BROX: variants seen among roughly 807,000 people sequenced by gnomAD.
The protein encoded by BROX is BRO1 domain and CAAX motif containing, also known as BRO1 domain-containing protein BROX.
In BROX, 53 loss-of-function variants were observed where a neutral mutation model predicts 61.0. The observed-to-expected ratio is 0.87, with a 90% confidence interval of 0.70 to 1.09. The LOEUF is 1.09. Ranked by LOEUF, BROX falls within the 50% of genes least tolerant of loss-of-function variation. The pLI, the probability that BROX is intolerant of heterozygous loss-of-function variation, is 0.00. For missense variants in BROX, 489 were observed against 472.0 expected, an observed-to-expected ratio of 1.04 and a Z score of -0.33; for synonymous variants, 152 against 160.2, an observed-to-expected ratio of 0.95 and a Z score of 0.38.
Position 222,733,063 on chromosome 1 carries a change from C to CTTTTTTTTTTTTCTTTTTTTTTTTT in BROX, c.*359_*383dup, listed in dbSNP as rs1658062755. 3 of 104,888 alleles carry CTTTTTTTTTTTTCTTTTTTTTTTTT rather than the reference C, an allele frequency of 2.9e-5. No individual in the cohort carries two copies. The highest frequency in any genetic ancestry group is 3.9e-5 in the Non-Finnish European group (2 of 50,788). The allele number at this position is 104,888 out of a possible 1,614,324, so 6.5% of individuals were successfully genotyped here. A position where few individuals can be genotyped will look rare whatever the true frequency, so the allele number is the denominator to read the frequency against. ...AGGTATGTTTTTCTTTTTTCTTTTT[C>CTTTTTTTTTTTTCTTTTTTTTTTTT]TTTTTTTTTTTTCTTTTTTTTTTTT... is the stretch of plus-strand genomic sequence containing the variant. On this transcript the variant is annotated 3_prime_UTR_variant, in exon 13 of 13. Coordinates refer to ENST00000340934, the MANE Select transcript of BROX (RefSeq NM_144695.4).
chr1:222,729,775 T>C (rs1484412442), intron 10 of BROX, 74 bp downstream of exon 10: 2 of 1,414,176 alleles, frequency 1.4e-6, no homozygotes, highest in Non-Finnish European at 2.0e-6. Context: ...AATATATGCT[T>C]AAAGAGATTT....
chr1:222,718,838 A>G, intron 2 of BROX, 87 bp from the exon 3 acceptor site: 1 of 1,025,552 alleles, frequency 9.8e-7, no homozygotes, highest in Non-Finnish European at 1.5e-6. Context: ...TGTGTTTTAA[A>G]GCTTTTACAT....
rs752490391 is a variant in BROX at position 222,727,237 on chromosome 1, C to G, written c.650C>G (p.Ala217Gly). The change falls in exon 8 of 13, where the codon GCC becomes GGC. Residue 217 changes from alanine to glycine, a missense_variant. Ala to Gly is a moderately conservative substitution (Grantham distance 60). Coordinates refer to ENST00000340934, the MANE Select transcript of BROX (RefSeq NM_144695.4). Reference sequence around the variant, plus strand: ...ATTGCTGCACTGGCGTATGAAACAGCCAATTTCTATCAAAAAGCTGGTAAG... The same window carrying G: ...ATTGCTGCACTGGCGTATGAAACAGGCAATTTCTATCAAAAAGCTGGTAAG... The part of the protein sequence containing the change: ...GLIAALAYET[A>G]NFYQKADHTL... The G allele has an allele frequency of 6.2e-7, 1 of 1,611,970 alleles. No homozygotes were observed. Among genetic ancestry groups the G allele is most frequent in the East Asian group, 2.2e-5 (1 of 44,832 alleles).
intron 2 of BROX, 55 bp downstream of exon 2, chr1:222,715,855 G>T: frequency 9.7e-7 from 1 of 1,028,188 alleles, no homozygotes; most frequent in Non-Finnish European, 1.5e-6. Context: ...TTGGTTCCAT[G>T]GCAATACAGA....
At position 222,715,393 on chromosome 1, in the gene BROX, T is replaced by C. The variant is rs560965847; in HGVS notation, c.-16-291T>C. 1.7e-3 allele frequency: 281 copies of C among 162,296 alleles called. 3 individuals are homozygous for C. Among genetic ancestry groups the C allele is most frequent in the African/African-American group, 5.9e-3 (249 of 41,868 alleles). The allele number at this position is 162,296 out of a possible 1,614,324, so 10.1% of individuals were successfully genotyped here. A position where few individuals can be genotyped will look rare whatever the true frequency, so the allele number is the denominator to read the frequency against. ...TTTTTTTATAGGCCTGATCTGAACA[T>C]AGACCACCATAAATAGACAAAACAT... On this transcript the variant is annotated intron_variant, in intron 1 of 12. Transcript: ENST00000340934.
intron 12 of BROX, among the ~76,000 whole-genome samples, chr1:222,731,944 A>G (rs1558238921): frequency 6.6e-6 from 1 of 152,210 alleles, no homozygotes; most frequent in Non-Finnish European, 1.5e-5. Context: ...ATCTAAGTAC[A>G]TCTTGGTGTT....
intron 6 of BROX, 75 bp from the exon 7 acceptor site, chr1:222,725,375 T>C: frequency 1.0e-6 from 1 of 1,001,578 alleles, no homozygotes; most frequent in South Asian, 1.7e-5. Flanking sequence ...AACTTTCATT[T>C]TCTTCATCTC....
chr1:222,732,948 C>A lies in BROX; in HGVS notation c.*234C>A, dbSNP rs1009252243. 3 of 489,094 alleles carry A rather than the reference C, an allele frequency of 6.1e-6. No homozygotes were observed. Among genetic ancestry groups the A allele is most frequent in the African/African-American group, 6.1e-5 (3 of 49,452 alleles). The allele number at this position is 489,094 out of a possible 1,614,324, so 30.3% of individuals were successfully genotyped here. On this transcript the variant is annotated 3_prime_UTR_variant, in exon 13 of 13. Transcript: ENST00000340934. ...ACATTTGAAAGATTTTATTGTGCCTCTAAAGGGTATATTTGGGGGTTGGGT... is the reference window on the plus strand; with the variant it reads ...ACATTTGAAAGATTTTATTGTGCCTATAAAGGGTATATTTGGGGGTTGGGT...
intron 2 of BROX, chr1:222,717,919 T>C (rs1314207665): frequency 6.6e-6 from 1 of 152,242 alleles, no homozygotes; most frequent in African/African-American, 2.4e-5. Context: ...TTAAATTTAG[T>C]CTTTCTTTAA....
rs776390550 is a variant in BROX, at chr1:222,722,399, G to T, written c.306-20G>T. ...GTCTGGATAATTGACAGAACTTAAT[G>T]ATCATGTTTATAATTCCAGTGCCCA... On this transcript the variant is annotated intron_variant, in intron 4 of 12. Coordinates refer to ENST00000340934, the MANE Select transcript of BROX (RefSeq NM_144695.4). 1.3e-6 allele frequency: 2 copies of T among 1,586,010 alleles called. No individual in the cohort carries two copies. The highest frequency in any genetic ancestry group is 1.1e-5 in the South Asian group (1 of 90,232).
At chr1:222,727,438 A>G (rs1657588026) in intron 8 of BROX, among the ~76,000 whole-genome samples, 181 bp downstream of exon 8, 3 of 152,208 alleles carry the variant, frequency 2.0e-5, no homozygotes, top group Non-Finnish European at 4.4e-5. Context: ...CATAACTTCT[A>G]ATGGAGGGGA....
chr1:222,718,987 AAATGATGAAG>A lies in BROX; in HGVS notation c.169_178del (p.Met57GlnfsTer13). On this transcript the variant is annotated frameshift_variant, in exon 3 of 13. Transcript: ENST00000340934. LOFTEE classifies it high-confidence loss of function. ...TTCACTGATTTGAGCTGTAATCCAG[AAATGATGAAG>A]AATGCAGCAGATTCATATTTCTCAC... 1 of 1,613,964 alleles carries A rather than the reference AAATGATGAAG, an allele frequency of 6.2e-7. No individual in the cohort carries two copies. Among genetic ancestry groups the A allele is most frequent in the Non-Finnish European group, 8.5e-7 (1 of 1,179,916 alleles).
Position 222,724,078 on chromosome 1 carries a change from C to A in BROX, c.402-14C>A. The A allele has an allele frequency of 1.9e-6, 3 of 1,584,676 alleles. No individual in the cohort carries two copies. The highest frequency in any genetic ancestry group is 2.6e-6 in the Non-Finnish European group (3 of 1,160,038). ...GGAATTCATCCTCTAACTAATGTAA[C>A]CCCTATCTTTAAGTATAACAGAAGA... On this transcript the variant is annotated splice_polypyrimidine_tract_variant and intron_variant, in intron 5 of 12. Transcript: ENST00000340934.
At chr1:222,729,269 T>G (rs1657755397) in intron 9 of BROX, among the ~76,000 whole-genome samples, 1 of 152,202 alleles carries the variant, frequency 6.6e-6, no homozygotes, top group Non-Finnish European at 1.5e-5. Context: ...GAATATCATA[T>G]GAGAGATCAT....
rs537095733 is a variant in BROX, at chr1:222,733,358, G to A, written c.*644G>A. ...GGCCTCCCAAAGTGCTGGGATTACA[G>A]GCGTGATCCACTGCACCTGGCCTCA... On this transcript the variant is annotated 3_prime_UTR_variant, in exon 13 of 13. Transcript: ENST00000340934. 1.6e-4 allele frequency: 25 copies of A among 152,266 alleles called. No individual in the cohort carries two copies. The highest frequency in any genetic ancestry group is 5.8e-4 in the African/African-American group (24 of 41,534). 9.4% of individuals were successfully genotyped at this position (152,266 alleles called of 1,614,324 possible). A position where few individuals can be genotyped will look rare whatever the true frequency, so the allele number is the denominator to read the frequency against.
intron 2 of BROX, among the ~76,000 whole-genome samples, chr1:222,717,261 A>G (rs1178247662): frequency 3.3e-5 from 5 of 152,192 alleles, no homozygotes; most frequent in Admixed American, 6.5e-5. Flanking sequence ...AAAACCGGTT[A>G]TAGTTTGTAG....
chr1:222,712,675 A>C lies in BROX; in HGVS notation c.-284A>C. On this transcript the variant is annotated 5_prime_UTR_variant, in exon 1 of 13. Coordinates refer to ENST00000340934, the MANE Select transcript of BROX (RefSeq NM_144695.4). ...AGACCATAGCTCAAAAGGAAGGCCG[A>C]GGGAGAAGTTAGAAAGGGATGATGA... 7.7e-7 allele frequency: 1 copy of C among 1,298,256 alleles called. No homozygotes were observed. Among genetic ancestry groups the C allele is most frequent in the South Asian group, 1.2e-5 (1 of 80,656 alleles). 80.4% of individuals were successfully genotyped at this position (1,298,256 alleles called of 1,614,324 possible).
rs1294992216 is a variant in BROX at position 222,730,149 on chromosome 1, G to A, written c.961G>A (p.Glu321Lys). The change falls in exon 11 of 13, where the codon GAA becomes AAA. Residue 321 changes from glutamate (E) to lysine (K), a missense_variant. By Grantham distance (56) the Glu-to-Lys change is moderately conservative. Coordinates refer to ENST00000340934, the MANE Select transcript of BROX (RefSeq NM_144695.4). ...KLGNLVKNTL[E>K]KCQRENGFIY... is the part of the protein sequence containing the mutation. ...TGGAAACCTTGTGAAGAACACCCTAGAAAAATGTCAGAGAGAAAATGGATT... is the reference window on the plus strand; with the variant it reads ...TGGAAACCTTGTGAAGAACACCCTAAAAAAATGTCAGAGAGAAAATGGATT... 6.2e-7 allele frequency: 1 copy of A among 1,609,012 alleles called. No homozygotes were observed. Among genetic ancestry groups the A allele is most frequent in the East Asian group, 2.2e-5 (1 of 44,622 alleles).
chr1:222,725,088 C>T (rs1366013295), intron 6 of BROX, among the ~76,000 whole-genome samples: 1 of 152,110 alleles, frequency 6.6e-6, no homozygotes, highest in Non-Finnish European at 1.5e-5. Context: ...CCACTGCACC[C>T]AGCCTCTTTA....
Sources: allele counts gnomAD v4.1 joint callset (sites outside exome capture counted in the v4.1 genomes callset), GRCh38; gene constraint gnomAD v4.1.1; transcripts MANE v1.5; gene names NCBI Gene and HGNC (gene_info 2026-07-23, HGNC 2026-07-21).